Variants in MAP2K1 observed in about 807,000 individuals in gnomAD.
MAP2K1 encodes the protein mitogen-activated protein kinase kinase 1, also known as dual specificity mitogen-activated protein kinase kinase 1.
Under a neutral mutation model 46.3 loss-of-function variants are expected in MAP2K1, and 16 were observed. The observed-to-expected ratio is 0.35, with a 90% CI of 0.23 to 0.52. The LOEUF is 0.52. Ranked by LOEUF, MAP2K1 falls within the 20% of genes least tolerant of loss-of-function variation. The probability of loss-of-function intolerance (pLI) is 0.94; values close to 1 mark genes in which losing one functional copy is unlikely to be tolerated. For synonymous variants in MAP2K1, 183 were observed against 185.6 expected (o/e 0.99, Z 0.11); for missense variants, 263 against 497.1 (o/e 0.53, Z 4.48).
intron 4 of MAP2K1, among the ~76,000 whole-genome samples, chr15:66,443,709 A>G (rs986971236): frequency 6.6e-6 from 1 of 152,018 alleles, no homozygotes; most frequent in Non-Finnish European, 1.5e-5. Context: ...CGCTTCTACA[A>G]AAAAATAAAA....
intron 1 of MAP2K1, among the ~76,000 whole-genome samples, chr15:66,416,865 C>T (rs2093425810): frequency 6.6e-6 from 1 of 152,174 alleles, no homozygotes; most frequent in Non-Finnish European, 1.5e-5. Context: ...ACCTTTGCTA[C>T]CCTGCCATGG....
intron 10 of MAP2K1, 27 bp downstream of exon 10, chr15:66,489,790 C>T (rs778361656): frequency 1.3e-6 from 2 of 1,584,246 alleles, no homozygotes; most frequent in Non-Finnish European, 1.7e-6. Context: ...CGGATTCTTA[C>T]AGTACCTGTT....
At chr15:66,435,829 C>G (rs574129286) in intron 2 of MAP2K1, among the ~76,000 whole-genome samples, 1 of 152,190 alleles carries the variant, frequency 6.6e-6, no homozygotes, top group Non-Finnish European at 1.5e-5. Flanking sequence ...ATTCACCCAG[C>G]CCCAGCGATG....
intron 5 of MAP2K1, among the ~76,000 whole-genome samples, chr15:66,447,686 CAA>C (rs34064163): frequency 4.4e-5 from 6 of 136,564 alleles, no homozygotes; most frequent in Admixed American, 7.4e-5. Flanking sequence ...GACTCTGTCT[CAA>C]AAAAAAAAAA....
At chr15:66,470,635 C>A (rs938589439) in intron 5 of MAP2K1, among the ~76,000 whole-genome samples, 7 of 152,108 alleles carry the variant, frequency 4.6e-5, no homozygotes, top group African/African-American at 7.2e-5. Context: ...TGCTTCCAGG[C>A]GTCAGCAAAT....
rs1277494009 is a variant in MAP2K1, at chr15:66,400,913, GC to G, written c.80+13488del. Among the ~76,000 whole-genome samples the G allele has an allele frequency of 8.5e-5, 13 of 152,222 alleles. No homozygotes were observed. In the South Asian group the frequency reaches 2.7e-3, roughly 32 times the overall value. On this transcript the variant is annotated intron_variant, in intron 1 of 10. Coordinates refer to ENST00000307102, the MANE Select transcript of MAP2K1 (RefSeq NM_002755.4). The stretch of plus-strand genomic sequence containing the variant: ...CTTGAGCCCCTCCCTTTGAATAGTT[GC>G]CTGCTTAAGGACAATGCTTTAAAAT...
intron 5 of MAP2K1, among the ~76,000 whole-genome samples, chr15:66,471,096 G>A (rs1892622516): frequency 6.6e-6 from 1 of 152,166 alleles, no homozygotes; most frequent in Non-Finnish European, 1.5e-5. Flanking sequence ...CGGAGGGATG[G>A]CTTTGAACAG....
At chr15:66,487,586 G>A (rs1893084857) in intron 8 of MAP2K1, among the ~76,000 whole-genome samples, 1 of 151,712 alleles carries the variant, frequency 6.6e-6, no homozygotes, top group South Asian at 2.1e-4. Context: ...TTGACTCTGG[G>A]AAAAACAAAA....
At position 66,461,456 on chromosome 15, in the gene MAP2K1, G is replaced by A. The variant is rs377325047; in HGVS notation, c.568+16749G>A. On this transcript the variant is annotated intron_variant, in intron 5 of 10. Transcript: ENST00000307102. Reference sequence around the variant, plus strand: ...TGCGCCACTGCACTCCAGCCTGAGTGACAGAGTGAGACTCTGTCTCTAAAT... The same window carrying A: ...TGCGCCACTGCACTCCAGCCTGAGTAACAGAGTGAGACTCTGTCTCTAAAT... 6.0e-5 allele frequency among the ~76,000 whole-genome samples: 9 copies of A among 149,176 alleles called. No individual in the cohort carries two copies. The South Asian group carries it at 1.9e-3, about 32-fold the overall frequency.
At chr15:66,474,232 A>C (rs937354498) in intron 5 of MAP2K1, among the ~76,000 whole-genome samples, 1 of 152,094 alleles carries the variant, frequency 6.6e-6, no homozygotes, top group South Asian at 2.1e-4. Context: ...AAATCTTGAA[A>C]GTGAGGGAGA....
chr15:66,453,436 G>A (rs1247668523), intron 5 of MAP2K1: 1 of 700,536 alleles, frequency 1.4e-6, no homozygotes, highest in African/African-American at 1.7e-5. Flanking sequence ...CAGCATTTCA[G>A]ACTCCTGTTG....
At chr15:66,472,497 C>G (rs184184663) in intron 5 of MAP2K1, among the ~76,000 whole-genome samples, 1 of 152,048 alleles carries the variant, frequency 6.6e-6, no homozygotes, top group South Asian at 2.1e-4. Context: ...TGTTAGGGGT[C>G]GTGTGCCCAG....
chr15:66,428,773 C>CTTTTTT (rs1196428468), intron 1 of MAP2K1, among the ~76,000 whole-genome samples: 13 of 78,196 alleles, frequency 1.7e-4, no homozygotes, highest in African/African-American at 2.8e-4. Flanking sequence ...ATTTTCTTTC[C>CTTTTTT]TTTTTTTTTT....
intron 9 of MAP2K1, 179 bp downstream of exon 9, chr15:66,489,455 G>A (rs1893165663): frequency 1.4e-6 from 1 of 694,712 alleles, no homozygotes; most frequent in Non-Finnish European, 2.6e-6. Context: ...TATGTGGCAT[G>A]TCTAACTACA....
intron 1 of MAP2K1, among the ~76,000 whole-genome samples, chr15:66,392,207 A>G (rs58982251): frequency 0.016 from 2,006 of 128,024 alleles, 44 homozygotes; most frequent in African/African-American, 0.056. Flanking sequence ...GAGGGCAGTG[A>G]CCTTTTTGGA....
intron 1 of MAP2K1, among the ~76,000 whole-genome samples, chr15:66,418,445 T>C (rs2093429474): frequency 6.6e-6 from 1 of 152,218 alleles, no homozygotes. Flanking sequence ...AAAAGCTCTT[T>C]TTCTTTTTTT....
chr15:66,436,408 C>G (rs1439295481), intron 2 of MAP2K1, among the ~76,000 whole-genome samples: 1 of 152,100 alleles, frequency 6.6e-6, no homozygotes, highest in South Asian at 2.1e-4. Flanking sequence ...TTCCTCATAC[C>G]CTTCTACTTT....
intron 9 of MAP2K1, chr15:66,489,478 T>A: frequency 1.5e-6 from 1 of 669,562 alleles, no homozygotes; most frequent in Non-Finnish European, 2.7e-6. Flanking sequence ...ATGGATGTAG[T>A]AGCTGCTCCT....
At chr15:66,421,604 G>A (rs1191289885) in intron 1 of MAP2K1, among the ~76,000 whole-genome samples, 2 of 151,554 alleles carry the variant, frequency 1.3e-5, no homozygotes, top group African/African-American at 4.8e-5. Flanking sequence ...AATTGGGGAC[G>A]AGCCTAGCCA....
Sources: allele counts gnomAD v4.1 joint callset (sites outside exome capture counted in the v4.1 genomes callset), GRCh38; gene constraint gnomAD v4.1.1; transcripts MANE v1.5; gene names NCBI Gene and HGNC (gene_info 2026-07-23, HGNC 2026-07-21).